The following SLC4A5 variants were observed in gnomAD, a reference collection of about 807,000 sequenced individuals.
SLC4A5 encodes the protein solute carrier family 4 member 5.
A neutral mutation model predicts 120.4 loss-of-function variants in SLC4A5; 96 were observed. That is an observed-to-expected ratio of 0.80 (90% CI 0.68 to 0.94). The LOEUF is 0.94. Ranked by LOEUF, SLC4A5 falls within the 40% of genes least tolerant of loss-of-function variation. The pLI is 0.00. For missense variants in SLC4A5, 1,259 were observed against 1,459.5 expected, an observed-to-expected ratio of 0.86 and a Z score of 2.24; for synonymous variants, 550 against 571.1, an observed-to-expected ratio of 0.96 and a Z score of 0.53.
rs1390262883 is a variant in SLC4A5, at chr2:74,255,688, C to A, written c.1025+87G>T. On this transcript the variant is annotated intron_variant, in intron 13 of 30. Coordinates refer to ENST00000394019, the Ensembl canonical transcript of SLC4A5. This position sits in a 1 kb window ranked among gnomAD's most constrained non-coding sequence, Gnocchi z 4.0. ...CCACGTTTAGAGGTGCCTTTGAGAA[C>A]ACTAACAGTCAACAGCACTGCTTGC... The A allele has an allele frequency of 1.3e-6, 2 of 1,499,878 alleles. No homozygotes were observed. Among genetic ancestry groups the A allele is most frequent in the African/African-American group, 2.8e-5 (2 of 72,508 alleles). 92.9% of individuals were successfully genotyped at this position (1,499,878 alleles called of 1,614,324 possible).
intron 5 of SLC4A5, among the ~76,000 whole-genome samples, chr2:74,318,628 G>C (rs1199958817): frequency 1.3e-5 from 2 of 151,590 alleles, no homozygotes; most frequent in Non-Finnish European, 2.9e-5. Context: ...AGAGGTTGCA[G>C]ACCGAGATTG....
Position 74,314,921 on chromosome 2 carries a change from A to C in SLC4A5, c.79+24T>G, listed in dbSNP as rs114314465. 10,576 of 1,606,716 alleles carry C rather than the reference A, an allele frequency of 6.6e-3. 39 individuals carry two copies. The highest frequency in any genetic ancestry group is 7.9e-3 in the Non-Finnish European group (9,262 of 1,173,302). On this transcript the variant is annotated intron_variant, in intron 6 of 30. Coordinates refer to ENST00000394019, the Ensembl canonical transcript of SLC4A5. ...ATTCTCAGTGCCTCCTGAGATTTGC[A>C]TCAAGTCCTCAAAGTGACCTCACCT... is the stretch of plus-strand genomic sequence containing the variant.
At chr2:74,280,770 C>T (rs1023440273) in intron 8 of SLC4A5, among the ~76,000 whole-genome samples, 28 of 152,046 alleles carry the variant, frequency 1.8e-4, no homozygotes, top group African/African-American at 6.5e-4. Context: ...CTGCAACCTC[C>T]GCCTCCCAGG....
At position 74,303,616 on chromosome 2, in the gene SLC4A5, A is replaced by C. The variant is rs139274654; in HGVS notation, c.271+873T>G. 7.1e-3 allele frequency among the ~76,000 whole-genome samples: 1,086 copies of C among 152,206 alleles called. 17 individuals carry two copies. Among genetic ancestry groups the C allele is most frequent in the African/African-American group, 0.024 (976 of 41,522 alleles). ...TTCTTTCCATAGGAAAGAGCAAAAG[A>C]CTGATTTTTAATTAGCCCAGAACTA... On this transcript the variant is annotated intron_variant, in intron 7 of 30. Coordinates refer to ENST00000394019, the Ensembl canonical transcript of SLC4A5.
At chr2:74,237,029 T>G (rs1426455404) in intron 21 of SLC4A5, among the ~76,000 whole-genome samples, 1 of 148,086 alleles carries the variant, frequency 6.8e-6, no homozygotes, top group African/African-American at 2.5e-5. Context: ...CAGGCTGGAG[T>G]GCAGTGGCGC....
intron 3 of SLC4A5, among the ~76,000 whole-genome samples, chr2:74,334,605 T>C (rs1458247691): frequency 6.6e-6 from 1 of 152,224 alleles, no homozygotes; most frequent in Non-Finnish European, 1.5e-5. Flanking sequence ...ACTTTTTGTC[T>C]GTTCCTCCAA....
At chr2:74,277,484 G>C (rs1303911047) in intron 8 of SLC4A5, among the ~76,000 whole-genome samples, 1 of 152,204 alleles carries the variant, frequency 6.6e-6, no homozygotes, top group African/African-American at 2.4e-5. Context: ...AGGAGGCGTA[G>C]GTTGCAGTGA....
chr2:74,227,440 A>T, intron 26 of SLC4A5: 1 of 1,545,094 alleles, frequency 6.5e-7, no homozygotes, highest in Non-Finnish European at 8.8e-7. Context: ...TTTCACAGTA[A>T]ATACAGAACA....
intron 16 of SLC4A5, 192 bp from the exon 17 acceptor site, chr2:74,250,709 A>ACCCTT: frequency 1.6e-6 from 1 of 622,940 alleles, no homozygotes; most frequent in Non-Finnish European, 2.7e-6. Flanking sequence ...GGTTGGCACC[A>ACCCTT]CCCACATTGG....
chr2:74,224,361 C>T (rs1297758296), intron 28 of SLC4A5, among the ~76,000 whole-genome samples: 6 of 152,110 alleles, frequency 3.9e-5, no homozygotes, highest in African/African-American at 1.2e-4. Flanking sequence ...CCATCTTTGT[C>T]CTCAATACCC....
intron 7 of SLC4A5, among the ~76,000 whole-genome samples, chr2:74,303,657 GA>G (rs1171709854): frequency 1.3e-5 from 2 of 152,174 alleles, no homozygotes; most frequent in Non-Finnish European, 2.9e-5. Context: ...TGAAGGAGCA[GA>G]GGAAGGCCTG....
At chr2:74,219,133 G>C (rs1210716888) in intron 30 of SLC4A5, among the ~76,000 whole-genome samples, 1 of 151,390 alleles carries the variant, frequency 6.6e-6, no homozygotes, top group African/African-American at 2.4e-5. Context: ...AGTCCTGCCT[G>C]CTTAGTTTGC....
At chr2:74,227,764 G>A in intron 26 of SLC4A5, 46 bp downstream of exon 26, 1 of 1,514,736 alleles carries the variant, frequency 6.6e-7, no homozygotes, top group Non-Finnish European at 9.0e-7. Context: ...ACCAGACATG[G>A]AATGTTGACT....
intron 8 of SLC4A5, among the ~76,000 whole-genome samples, chr2:74,279,140 A>C (rs1671733953): frequency 6.6e-6 from 1 of 152,244 alleles, no homozygotes; most frequent in Non-Finnish European, 1.5e-5. Flanking sequence ...CCTCAAAAAC[A>C]AAAGGATCTC....
intron 18 of SLC4A5, 125 bp downstream of exon 18, chr2:74,248,228 T>G (rs564546981): frequency 3.1e-6 from 4 of 1,303,554 alleles, no homozygotes; most frequent in Non-Finnish European, 4.2e-6. Flanking sequence ...GCCCTTCCCA[T>G]AGTTAAAGAT....
chr2:74,309,766 C>T (rs1672752231), intron 6 of SLC4A5, among the ~76,000 whole-genome samples: 1 of 151,908 alleles, frequency 6.6e-6, no homozygotes, highest in Admixed American at 6.6e-5. Flanking sequence ...CGCCATTCTC[C>T]TGCCTCAGGG....
rs1319485657 is a variant in SLC4A5 at position 74,285,845 on chromosome 2, T to G, written c.329A>C (p.Asn110Thr). 3.1e-6 allele frequency: 5 copies of G among 1,612,582 alleles called. No homozygotes were observed. The African/African-American group carries it at 6.7e-5, about 22-fold the overall frequency. Reference sequence around the variant, plus strand: ...ATCCATCTCTGTAAAGAGGGTGGGGTTGGGAGCCTCATCTTCCTCCCCCAG... The same window carrying G: ...ATCCATCTCTGTAAAGAGGGTGGGGGTGGGAGCCTCATCTTCCTCCCCCAG... Residue 110 changes from asparagine to threonine, a missense_variant, in exon 8 of 31, where the codon AAC (asparagine) becomes ACC (threonine). By Grantham distance (65) the Asn-to-Thr change is moderately conservative (BLOSUM62 0). Transcript: ENST00000394019.
intron 19 of SLC4A5, among the ~76,000 whole-genome samples, chr2:74,243,531 C>A (rs1190443825): frequency 6.6e-6 from 1 of 152,180 alleles, no homozygotes; most frequent in Non-Finnish European, 1.5e-5. Context: ...TGCCTTTCCT[C>A]ACATCAGTGA....
rs186680401 is a variant in SLC4A5 at position 74,275,422 on chromosome 2, T to A, written c.402-10158A>T. Among the ~76,000 whole-genome samples the A allele has an allele frequency of 1.9e-3, 296 of 152,328 alleles. 1 individual carries two copies. The highest frequency in any genetic ancestry group is 6.7e-3 in the African/African-American group (279 of 41,582). On this transcript the variant is annotated intron_variant, in intron 8 of 30. Transcript: ENST00000394019. ...TCTCTGAGGGCCACTTGTCTGTGTA[T>A]CCAGGAAGTCCCTGTAATTGCCCCA...
Sources: gnomAD v4.1 joint callset for allele counts (sites outside exome capture counted in the v4.1 genomes callset) on GRCh38, gnomAD v4.1.1 for gene constraint, Gnocchi (gnomAD v3.1) non-coding constraint, MANE v1.5 for transcripts, NCBI Gene and HGNC (gene_info 2026-07-23, HGNC 2026-07-21) for gene names.